Variants in CCDC18 observed in about 807,000 individuals in gnomAD.
CCDC18 encodes the protein coiled-coil domain-containing protein 18.
In CCDC18, 157 loss-of-function variants were observed where a neutral mutation model predicts 196.0. That is an observed-to-expected ratio of 0.80 (90% confidence interval 0.70 to 0.91). The LOEUF is 0.91. Ranked by LOEUF, CCDC18 falls within the 40% of genes least tolerant of loss-of-function variation. The pLI is 0.00. For synonymous variants in CCDC18, 482 were observed against 529.2 expected, an observed-to-expected ratio of 0.91 and a Z score of 1.22; for missense variants, 1,465 against 1,611.6, an observed-to-expected ratio of 0.91 and a Z score of 1.56.
intron 1 of CCDC18, among the ~76,000 whole-genome samples, chr1:93,181,594 G>A (rs376150922): frequency 2.0e-5 from 3 of 152,174 alleles, no homozygotes; most frequent in African/African-American, 7.2e-5. Context: ...TATATTCATT[G>A]CTACTGCAGA....
chr1:93,254,928 A>C (rs1486036990), intron 24 of CCDC18, among the ~76,000 whole-genome samples: 3 of 136,798 alleles, frequency 2.2e-5, no homozygotes, highest in Non-Finnish European at 4.7e-5. Context: ...ATGTAATAGA[A>C]TTGAGGAGTC....
At chr1:93,260,821 A>C (rs1570617285) in intron 26 of CCDC18, among the ~76,000 whole-genome samples, 1 of 151,930 alleles carries the variant, frequency 6.6e-6, no homozygotes, top group Non-Finnish European at 1.5e-5. Flanking sequence ...CCCTAGGTCT[A>C]TGTGTTCTCA....
intron 1 of CCDC18, 140 bp from the exon 2 acceptor site, chr1:93,183,220 G>C (rs560712775): frequency 1.9e-6 from 1 of 532,712 alleles, no homozygotes; most frequent in East Asian, 3.3e-5. Flanking sequence ...TTGATTTTTT[G>C]TTTTGTTTTA....
intron 3 of CCDC18, among the ~76,000 whole-genome samples, chr1:93,184,963 T>C (rs1393990942): frequency 6.6e-6 from 1 of 151,938 alleles, no homozygotes; most frequent in Admixed American, 6.6e-5. Flanking sequence ...ATATGTGCCT[T>C]AATTGGGAAA....
intron 10 of CCDC18, among the ~76,000 whole-genome samples, 178 bp from the exon 11 acceptor site, chr1:93,211,923 G>C (rs1655710469): frequency 6.6e-6 from 1 of 152,082 alleles, no homozygotes; most frequent in South Asian, 2.1e-4. Flanking sequence ...TTTGTAAAGT[G>C]GCTGAACCAA....
At chr1:93,223,710 C>T (rs553466477) in intron 16 of CCDC18, among the ~76,000 whole-genome samples, 2 of 152,036 alleles carry the variant, frequency 1.3e-5, no homozygotes, top group African/African-American at 2.4e-5. Context: ...GTTTTGTTTT[C>T]CTCTTATTTT....
Position 93,183,401 on chromosome 1 carries a change from G to T in CCDC18, c.40G>T (p.Glu14Ter). 2 of 1,601,818 alleles carry T rather than the reference G, an allele frequency of 1.2e-6. No homozygotes were observed. The highest frequency in any genetic ancestry group is 1.7e-6 in the Non-Finnish European group (2 of 1,171,538). The change falls in exon 2 of 29, where the codon GAA (glutamate) becomes TAA (stop). Residue 14 changes from glutamate to a stop codon, truncating the protein, a stop_gained. Transcript: ENST00000690025. LOFTEE classifies it high-confidence loss of function. ...ATCAGACTACTATAATAAAGACAAT[G>T]AAGAGGAAAGTTTGCTTGCAAATGT... ...SSSDYYNKDN[E>*]EESLLANVAS...
At chr1:93,203,583 G>A (rs1188423846) in intron 7 of CCDC18, among the ~76,000 whole-genome samples, 1 of 152,156 alleles carries the variant, frequency 6.6e-6, no homozygotes, top group Non-Finnish European at 1.5e-5. Flanking sequence ...AGAGAATCAG[G>A]AAAGTATAAT....
chr1:93,192,161 T>C (rs959149515), intron 5 of CCDC18, 55 bp downstream of exon 5: 2 of 1,168,180 alleles, frequency 1.7e-6, no homozygotes, highest in Non-Finnish European at 1.3e-6. Flanking sequence ...TACATTTTAT[T>C]ATATCTTGTT....
At chr1:93,239,629 G>A in intron 20 of CCDC18, 54 bp from the exon 21 acceptor site, 1 of 1,396,208 alleles carries the variant, frequency 7.2e-7, no homozygotes, top group Non-Finnish European at 9.9e-7. Flanking sequence ...TATATACAAA[G>A]TTTGTAATAA....
intron 6 of CCDC18, among the ~76,000 whole-genome samples, chr1:93,196,527 T>C (rs184068415): frequency 7.2e-5 from 11 of 152,328 alleles, no homozygotes; most frequent in East Asian, 1.9e-4. Flanking sequence ...TCTAAACTTA[T>C]ATGTATCTAA....
chr1:93,229,784 G>GT (rs1658955353), intron 17 of CCDC18, among the ~76,000 whole-genome samples: 1 of 152,118 alleles, frequency 6.6e-6, no homozygotes, highest in African/African-American at 2.4e-5. Flanking sequence ...ATATTAAAAT[G>GT]TTTTTAACAA....
At chr1:93,217,035 C>T (rs537650505) in intron 13 of CCDC18, among the ~76,000 whole-genome samples, 2 of 148,880 alleles carry the variant, frequency 1.3e-5, no homozygotes, top group Non-Finnish European at 3.0e-5. Flanking sequence ...CCTGGGTTCA[C>T]GCCATTCTCC....
rs1403493181 is a variant in CCDC18 at position 93,256,848 on chromosome 1, T to G, written c.3546+310T>G. Among the ~76,000 whole-genome samples the G allele has an allele frequency of 2.0e-5, 3 of 152,206 alleles. No homozygotes were observed. In the East Asian group the frequency reaches 5.8e-4, roughly 29 times the overall value. ...GAGTTATAAAGCACTTTTAGACTTT[T>G]AAGTGAGTTCGAGCTCTTACTTGAA... is the stretch of plus-strand genomic sequence containing the variant. On this transcript the variant is annotated intron_variant, in intron 25 of 28. Coordinates refer to ENST00000690025, the MANE Select transcript of CCDC18 (RefSeq NM_001378204.1).
intron 6 of CCDC18, among the ~76,000 whole-genome samples, chr1:93,196,262 T>C (rs899395534): frequency 5.9e-5 from 9 of 152,104 alleles, no homozygotes; most frequent in African/African-American, 2.2e-4. Context: ...AGGCAGAGAT[T>C]ACAGTGAGCC....
At chr1:93,239,257 A>G in intron 19 of CCDC18, 53 bp from the exon 20 acceptor site, 3 of 1,339,896 alleles carry the variant, frequency 2.2e-6, no homozygotes, top group Non-Finnish European at 3.0e-6. Flanking sequence ...GTCAGAGACA[A>G]GTTAGTTGGT....
At chr1:93,185,795 A>G (rs1650561627) in intron 3 of CCDC18, among the ~76,000 whole-genome samples, 1 of 151,982 alleles carries the variant, frequency 6.6e-6, no homozygotes, top group South Asian at 2.1e-4. Flanking sequence ...AATTGCATAA[A>G]TAAATCACTC....
chr1:93,179,921 C>G (rs1649230401), upstream of CCDC18: 1 of 964,230 alleles, frequency 1.0e-6, no homozygotes, highest in Non-Finnish European at 1.5e-6. Flanking sequence ...CTGCGCGGAG[C>G]GGGCTGGCTT....
rs536534586 is a variant in CCDC18 at position 93,194,594 on chromosome 1, A to G, written c.698+850A>G. 6.6e-5 allele frequency among the ~76,000 whole-genome samples: 10 copies of G among 152,330 alleles called. No individual in the cohort carries two copies. The East Asian group carries it at 1.7e-3, about 26-fold the overall frequency. ...TAAATAAAGATGATATTATCTTGATATGGATAGAAATGAAGAGTAAATGAA... is the reference window on the plus strand; with the variant it reads ...TAAATAAAGATGATATTATCTTGATGTGGATAGAAATGAAGAGTAAATGAA... On this transcript the variant is annotated intron_variant, in intron 6 of 28. Coordinates refer to ENST00000690025, the MANE Select transcript of CCDC18 (RefSeq NM_001378204.1).
Sources: allele counts gnomAD v4.1 joint callset (sites outside exome capture counted in the v4.1 genomes callset), GRCh38; gene constraint gnomAD v4.1.1; transcripts MANE v1.5; gene names NCBI Gene and HGNC (gene_info 2026-07-23, HGNC 2026-07-21).